The following ATE1 variants were observed in gnomAD, a reference collection of about 807,000 sequenced individuals.
ATE1 encodes the protein arginyl-tRNA--protein transferase 1.
A neutral mutation model predicts 70.5 loss-of-function variants in ATE1; 36 were observed. The observed-to-expected ratio is 0.51, with a 90% CI of 0.39 to 0.67. The LOEUF is 0.67. ATE1 is among the 30% of genes least tolerant of loss of function. The pLI, the probability that ATE1 is intolerant of heterozygous loss-of-function variation, is 0.00. For missense variants in ATE1, 593 were observed against 629.5 expected, an observed-to-expected ratio of 0.94 and a Z score of 0.62; for synonymous variants, 232 against 219.3, an observed-to-expected ratio of 1.06 and a Z score of -0.51.
intron 7 of ATE1, among the ~76,000 whole-genome samples, chr10:121,883,712 T>C (rs1304725719): frequency 2.6e-5 from 4 of 152,150 alleles, no homozygotes; most frequent in Non-Finnish European, 4.4e-5. Context: ...CTTGGAAAAT[T>C]TGCTTACAAT....
chr10:121,867,816 CG>C (rs1281222897), intron 8 of ATE1, among the ~76,000 whole-genome samples: 4 of 152,126 alleles, frequency 2.6e-5, no homozygotes, highest in Non-Finnish European at 4.4e-5. Context: ...ATATATACTC[CG>C]AACACATATT....
intron 10 of ATE1, among the ~76,000 whole-genome samples, chr10:121,797,801 C>CT (rs1423111111): frequency 2.0e-5 from 3 of 152,200 alleles, no homozygotes; most frequent in Admixed American, 6.5e-5. Context: ...GTCACAGCTA[C>CT]TTTAAGTTTT....
intron 7 of ATE1, among the ~76,000 whole-genome samples, chr10:121,886,419 G>A (rs1459088434): frequency 1.3e-5 from 2 of 151,910 alleles, no homozygotes; most frequent in Non-Finnish European, 2.9e-5. Context: ...ACGTGTGCAC[G>A]TTAGGTTCAC....
intron 3 of ATE1, among the ~76,000 whole-genome samples, chr10:121,919,509 C>A (rs1266560549): frequency 6.6e-6 from 1 of 151,824 alleles, no homozygotes; most frequent in African/African-American, 2.4e-5. Context: ...TGCAGTGAGC[C>A]GAGATAGCAC....
At chr10:121,852,938 G>C (rs1378646136) in intron 8 of ATE1, among the ~76,000 whole-genome samples, 2 of 151,984 alleles carry the variant, frequency 1.3e-5, no homozygotes, top group East Asian at 3.9e-4. Context: ...TAATTTTCTG[G>C]CTGACAATTA....
At chr10:121,860,459 G>A (rs1949428495) in intron 8 of ATE1, among the ~76,000 whole-genome samples, 1 of 152,128 alleles carries the variant, frequency 6.6e-6, no homozygotes, top group South Asian at 2.1e-4. Flanking sequence ...ACAAAGAAAT[G>A]TATTTGTCAA....
At chr10:121,757,489 G>A (rs1403355932) in intron 11 of ATE1, among the ~76,000 whole-genome samples, 1 of 152,184 alleles carries the variant, frequency 6.6e-6, no homozygotes, top group Non-Finnish European at 1.5e-5. Flanking sequence ...TGCTGATAAA[G>A]ACATACCTGA....
Position 121,924,271 on chromosome 10 carries a change from C to T in ATE1, c.165G>A (p.Trp55Ter), listed in dbSNP as rs1458848750. Residue 55 changes from tryptophan to a stop codon, truncating the protein, a stop_gained, in exon 2 of 12, where the codon TGG becomes TGA. Coordinates refer to ENST00000224652, the MANE Select transcript of ATE1 (RefSeq NM_001001976.3). LOFTEE classifies it high-confidence loss of function. ...QDYQDLIDRG[W>*]RRSGKYVYKP... ...TTTGTATCTGGAAGCTTTACCTTCGCCATCCTCGGTCTATGAGATCCTGAT... is the reference window on the plus strand; with the variant it reads ...TTTGTATCTGGAAGCTTTACCTTCGTCATCCTCGGTCTATGAGATCCTGAT... The T allele has an allele frequency of 6.2e-6, 10 of 1,613,782 alleles. No homozygotes were observed. The highest frequency in any genetic ancestry group is 8.5e-7 in the Non-Finnish European group (1 of 1,179,816).
chr10:121,815,337 C>T (rs1947497529), intron 10 of ATE1, among the ~76,000 whole-genome samples: 1 of 152,016 alleles, frequency 6.6e-6, no homozygotes, highest in Non-Finnish European at 1.5e-5. Flanking sequence ...GGGGTTTCAC[C>T]GTGTTAGCCA....
At chr10:121,897,551 G>A (rs7914317) in intron 7 of ATE1, among the ~76,000 whole-genome samples, 2,267 of 152,202 alleles carry the variant, frequency 0.015, 57 homozygotes, top group African/African-American at 0.05. Context: ...GATTCTGGCC[G>A]GACCCGGTGG....
chr10:121,776,786 T>C lies in ATE1; in HGVS notation c.1378+13383A>G, dbSNP rs190255011. Reference sequence around the variant, plus strand: ...TGAAAGTGAGTATTATATGTCAACATAAAATGCATGTCTTACAGGGGACTA... The same window carrying C: ...TGAAAGTGAGTATTATATGTCAACACAAAATGCATGTCTTACAGGGGACTA... On this transcript the variant is annotated intron_variant, in intron 11 of 11. Transcript: ENST00000224652. Among the ~76,000 whole-genome samples, 284 of 152,330 alleles carry C rather than the reference T, an allele frequency of 1.9e-3. 1 individual carries two copies. Among genetic ancestry groups the C allele is most frequent in the African/African-American group, 6.7e-3 (277 of 41,570 alleles).
intron 8 of ATE1, 91 bp from the exon 9 acceptor site, chr10:121,841,354 A>T (rs944200530): frequency 1.1e-6 from 1 of 943,392 alleles, no homozygotes; most frequent in Non-Finnish European, 1.4e-6. Flanking sequence ...CAGGTTAATA[A>T]GTCCTTAACT....
At chr10:121,772,180 T>C (rs1476253535) in intron 11 of ATE1, among the ~76,000 whole-genome samples, 1 of 152,214 alleles carries the variant, frequency 6.6e-6, no homozygotes, top group African/African-American at 2.4e-5. Flanking sequence ...CCAATAAATG[T>C]CTGTGGTTTG....
chr10:121,877,749 T>C (rs1270025573), intron 7 of ATE1, among the ~76,000 whole-genome samples: 1 of 152,150 alleles, frequency 6.6e-6, no homozygotes, highest in Non-Finnish European at 1.5e-5. Flanking sequence ...AACTAAAGCA[T>C]CAGAAAACAC....
chr10:121,915,685 C>T (rs1284320676), intron 3 of ATE1, among the ~76,000 whole-genome samples: 1 of 148,550 alleles, frequency 6.7e-6, no homozygotes, highest in Non-Finnish European at 1.5e-5. Context: ...GTCAGGAGAT[C>T]GAGACTATCC....
intron 7 of ATE1, among the ~76,000 whole-genome samples, chr10:121,873,683 T>C (rs550072644): frequency 1.1e-4 from 17 of 151,124 alleles, no homozygotes; most frequent in African/African-American, 3.9e-4. Context: ...ACTTCCTTTT[T>C]GGTAAGTTAA....
Position 121,902,540 on chromosome 10 carries a change from G to T in ATE1, c.664C>A (p.Gln222Lys). Residue 222 changes from glutamine (Q) to lysine (K), a missense_variant, in exon 6 of 12, where the codon CAG becomes AAG. Coordinates refer to ENST00000224652, the MANE Select transcript of ATE1 (RefSeq NM_001001976.3). The part of the protein sequence containing the change: ...RKERKRLKLM[Q>K]QNPAGELEGF... ...TCAAGTTCTCCAGCTGGGTTCTGCT[G>T]CATTAGTTTTAACCTTTTCCTTTCT... is the stretch of plus-strand genomic sequence containing the variant. 1 of 1,614,204 alleles carries T rather than the reference G, an allele frequency of 6.2e-7. No individual in the cohort carries two copies. Among genetic ancestry groups the T allele is most frequent in the Non-Finnish European group, 8.5e-7 (1 of 1,180,038 alleles).
At chr10:121,879,052 A>G (rs922593471) in intron 7 of ATE1, among the ~76,000 whole-genome samples, 1 of 152,248 alleles carries the variant, frequency 6.6e-6, no homozygotes, top group African/African-American at 2.4e-5. Flanking sequence ...ATAAGTCTAC[A>G]ACAAAATACA....
chr10:121,758,834 C>A (rs6585758), intron 11 of ATE1, among the ~76,000 whole-genome samples: 16,966 of 152,078 alleles, frequency 0.11, 1,061 homozygotes, highest in Admixed American at 0.18. Context: ...GTGATGTTAA[C>A]TACTGTAATT....
Sources: allele counts gnomAD v4.1 joint callset (sites outside exome capture counted in the v4.1 genomes callset), GRCh38; gene constraint gnomAD v4.1.1; transcripts MANE v1.5; gene names NCBI Gene and HGNC (gene_info 2026-07-23, HGNC 2026-07-21).